SYNPO2L: variants seen among roughly 807,000 people sequenced by gnomAD.
The protein encoded by SYNPO2L is synaptopodin 2-like protein.
A neutral mutation model predicts 47.5 loss-of-function variants in SYNPO2L; 34 were observed. That is an observed-to-expected ratio of 0.72 (90% CI 0.54 to 0.95). SYNPO2L has a LOEUF of 0.95. Ranked by LOEUF, SYNPO2L falls within the 40% of genes least tolerant of loss-of-function variation. The probability of loss-of-function intolerance (pLI) is 0.00; values close to 1 mark genes in which losing one functional copy is unlikely to be tolerated. For synonymous variants in SYNPO2L, 536 were observed against 524.9 expected (o/e 1.02, Z -0.29); for missense variants, 1,246 against 1,282.0 (o/e 0.97, Z 0.43).
chr10:73,651,627 G>C (rs956935170), intron 3 of SYNPO2L, among the ~76,000 whole-genome samples: 5 of 152,186 alleles, frequency 3.3e-5, no homozygotes, highest in African/African-American at 1.2e-4. Context: ...TAAGTGGAAT[G>C]GGCTTTTTCT....
chr10:73,648,358 C>A lies in SYNPO2L; in HGVS notation c.1294G>T (p.Ala432Ser), dbSNP rs2081800315. Residue 432 changes from alanine (A) to serine (S), a missense_variant, in exon 4 of 4, where the codon GCA becomes TCA. Ala to Ser is a moderately conservative substitution (Grantham distance 99). Coordinates refer to ENST00000394810, the MANE Select transcript of SYNPO2L (RefSeq NM_001114133.3). ...PPRAQSAPPEAAVLPPSPLPA... is the reference protein window; with the variant it reads ...PPRAQSAPPESAVLPPSPLPA... ...AAGGGGCTGGGTGGGAGCACAGCTGCCTCTGGGGGAGCACTCTGGGCCCGA... is the reference window on the plus strand; with the variant it reads ...AAGGGGCTGGGTGGGAGCACAGCTGACTCTGGGGGAGCACTCTGGGCCCGA... 1 of 1,605,652 alleles carries A rather than the reference C, an allele frequency of 6.2e-7. No homozygotes were observed. The highest frequency in any genetic ancestry group is 1.3e-5 in the African/African-American group (1 of 74,852).
rs751580062 is a variant in SYNPO2L, at chr10:73,648,662, C to A, written c.990G>T (p.Thr330=). ...CTTCTTCGTCCAGCTCGGACTCACTCGTGGGGGGAACGCCGTCCTCCTCCT... is the reference window on the plus strand; with the variant it reads ...CTTCTTCGTCCAGCTCGGACTCACTAGTGGGGGGAACGCCGTCCTCCTCCT... ...GAEEEDGVPP[T]SESELDEEAF... is the part of the protein sequence containing the mutation. The change falls in exon 4 of 4, where the codon ACG becomes ACT. Residue 330 remains threonine, a synonymous_variant. Coordinates refer to ENST00000394810, the MANE Select transcript of SYNPO2L (RefSeq NM_001114133.3). 4.1e-5 allele frequency: 66 copies of A among 1,611,088 alleles called. No individual in the cohort carries two copies. The Admixed American group carries it at 1.1e-3, about 26-fold the overall frequency.
chr10:73,652,531 G>A (rs761300505), intron 3 of SYNPO2L, among the ~76,000 whole-genome samples: 2 of 152,134 alleles, frequency 1.3e-5, no homozygotes, highest in Non-Finnish European at 2.9e-5. Context: ...TTAGCCAGGT[G>A]TGGTGGCGGG....
In SYNPO2L at chr10:73,648,310, TG is replaced by T. The variant is rs1198988286; in HGVS notation, c.1341del (p.Arg448AspfsTer43). The T allele has an allele frequency of 9.3e-6, 15 of 1,604,614 alleles. No individual in the cohort carries two copies. The highest frequency in any genetic ancestry group is 1.3e-5 in the Non-Finnish European group (15 of 1,179,474). ...GCTCCACCACCTGGTTGGAAGGGTC[TG>T]GGGCTGGCTACAGGCGCCGGCAAGG... is the stretch of plus-strand genomic sequence containing the variant. The part of the protein sequence containing the change: ...PSPLPAPVAS[P>X]RPFQPGGGAP... On this transcript the variant is annotated frameshift_variant, in exon 4 of 4. Coordinates refer to ENST00000394810, the MANE Select transcript of SYNPO2L (RefSeq NM_001114133.3). LOFTEE classifies it low-confidence loss of function (END_TRUNC).
Position 73,655,906 on chromosome 10 carries a change from T to C in SYNPO2L, c.17A>G (p.Glu6Gly). MGAEE[E>G]VLVTLSGGAP... ...TCCCCCTGATAGTGTGACCAGCACCTCCTCCTCAGCACCCATCGCTCAGCT... is the reference window on the plus strand; with the variant it reads ...TCCCCCTGATAGTGTGACCAGCACCCCCTCCTCAGCACCCATCGCTCAGCT... The change falls in exon 1 of 4, where the codon GAG becomes GGG. Residue 6 changes from glutamate (E) to glycine (G), a missense_variant. This residue lies in a region of SYNPO2L where 61 missense variants were observed against 55.6 expected (regional missense o/e 1.10). Coordinates refer to ENST00000394810, the MANE Select transcript of SYNPO2L (RefSeq NM_001114133.3). 6.4e-7 allele frequency: 1 copy of C among 1,550,916 alleles called. No individual in the cohort carries two copies. Among genetic ancestry groups the C allele is most frequent in the South Asian group, 1.2e-5 (1 of 83,992 alleles).
Position 73,650,873 on chromosome 10 carries a change from G to T in SYNPO2L, c.773-1994C>A, listed in dbSNP as rs543971562. 3 of 1,561,458 alleles carry T rather than the reference G, an allele frequency of 1.9e-6. No individual in the cohort carries two copies. In the South Asian group the frequency reaches 3.6e-5, roughly 19 times the overall value. Reference sequence around the variant, plus strand: ...TATTGACATCTTCCCCTCCATTCTAGACCCCAGACTCTCATAGATATGGGA... The same window carrying T: ...TATTGACATCTTCCCCTCCATTCTATACCCCAGACTCTCATAGATATGGGA... On this transcript the variant is annotated intron_variant, in intron 3 of 3. Coordinates refer to ENST00000394810, the MANE Select transcript of SYNPO2L (RefSeq NM_001114133.3).
At chr10:73,654,715 C>T (rs113646916) in intron 1 of SYNPO2L, among the ~76,000 whole-genome samples, 142 of 152,036 alleles carry the variant, frequency 9.3e-4, no homozygotes, top group African/African-American at 3.2e-3. Flanking sequence ...TGGTGGTGTG[C>T]GCCTGTAATC....
At chr10:73,649,430 T>A (rs1191450267) in intron 3 of SYNPO2L, among the ~76,000 whole-genome samples, 1 of 152,170 alleles carries the variant, frequency 6.6e-6, no homozygotes, top group Non-Finnish European at 1.5e-5. Context: ...GGATCTTCAT[T>A]CACAATTCCA....
rs1256760168 is a variant in SYNPO2L, at chr10:73,648,302, G to C, written c.1350C>G (p.Phe450Leu). 2.5e-6 allele frequency: 4 copies of C among 1,604,196 alleles called. No individual in the cohort carries two copies. In the South Asian group the frequency reaches 4.4e-5, roughly 18 times the overall value. ...GGGTCGGGGCTCCACCACCTGGTTG[G>C]AAGGGTCTGGGGCTGGCTACAGGCG... ...LPAPVASPRPFQPGGGAPTPA... is the reference protein window; with the variant it reads ...LPAPVASPRPLQPGGGAPTPA... Residue 450 changes from phenylalanine (F) to leucine (L), a missense_variant, in exon 4 of 4, where the codon TTC becomes TTG. This residue lies in a region of SYNPO2L where 1,037 missense variants were observed against 1,021.5 expected (regional missense o/e 1.02). Transcript: ENST00000394810.
intron 3 of SYNPO2L, among the ~76,000 whole-genome samples, chr10:73,652,533 G>A (rs1490534834): frequency 6.6e-6 from 1 of 151,610 alleles, no homozygotes. Flanking sequence ...AGCCAGGTGT[G>A]GTGGCGGGTG....
chr10:73,651,070 G>T, intron 3 of SYNPO2L: 1 of 1,543,564 alleles, frequency 6.5e-7, no homozygotes, highest in Non-Finnish European at 8.7e-7. Context: ...GCCTTTTAAA[G>T]CCCCTTTGTC....
rs140568977 is a variant in SYNPO2L, at chr10:73,646,925, G to C, written c.2727C>G (p.Pro909=). 86 of 1,589,192 alleles carry C rather than the reference G, an allele frequency of 5.4e-5. No individual in the cohort carries two copies. In the African/African-American group the frequency reaches 9.9e-4, roughly 18 times the overall value. Residue 909 remains proline (P), a synonymous_variant, in exon 4 of 4, where the codon CCC becomes CCG. Coordinates refer to ENST00000394810, the MANE Select transcript of SYNPO2L (RefSeq NM_001114133.3). Reference sequence around the variant, plus strand: ...GCTCATCCAGTGTAGTGGCTGCTCGGGGGGCAAGCACAGTGGGAGCCAGGG... The same window carrying C: ...GCTCATCCAGTGTAGTGGCTGCTCGCGGGGCAAGCACAGTGGGAGCCAGGG... ...AEPLAPTVLA[P]RAATTLDEPI...
chr10:73,648,373 T>G lies in SYNPO2L; in HGVS notation c.1279A>C (p.Ser427Arg), dbSNP rs1173923965. 5 of 1,606,564 alleles carry G rather than the reference T, an allele frequency of 3.1e-6. No individual in the cohort carries two copies. The highest frequency in any genetic ancestry group is 4.2e-6 in the Non-Finnish European group (5 of 1,179,406). The change falls in exon 4 of 4, where the codon AGT (serine) becomes CGT (arginine). Residue 427 changes from serine (S) to arginine (R), a missense_variant. Physicochemically the swap from Ser to Arg is moderately radical, Grantham distance 110. Coordinates refer to ENST00000394810, the MANE Select transcript of SYNPO2L (RefSeq NM_001114133.3). ...AGCACAGCTGCCTCTGGGGGAGCAC[T>G]CTGGGCCCGAGGTGGTGACTGCAGG... is the stretch of plus-strand genomic sequence containing the variant. ...EGLQSPPRAQ[S>R]APPEAAVLPP...
Position 73,645,444 on chromosome 10 carries a change from C to G in SYNPO2L, c.*1274G>C. ...TTTGGCCTCACTTGCCACACTCTGG[C>G]TCTCTTCTCCTTTCTCTCAAGCTCA... On this transcript the variant is annotated 3_prime_UTR_variant, in exon 4 of 4. Transcript: ENST00000394810. 2 of 995,364 alleles carry G rather than the reference C, an allele frequency of 2.0e-6. No homozygotes were observed. Among genetic ancestry groups the G allele is most frequent in the Non-Finnish European group, 2.4e-6 (2 of 837,132 alleles). 61.7% of individuals were successfully genotyped at this position (995,364 alleles called of 1,614,324 possible). A position where few individuals can be genotyped will look rare whatever the true frequency, so the allele number is the denominator to read the frequency against.
chr10:73,652,419 A>AG (rs1386463503), intron 3 of SYNPO2L, among the ~76,000 whole-genome samples: 2 of 152,138 alleles, frequency 1.3e-5, no homozygotes, highest in African/African-American at 4.8e-5. Context: ...CTGTAATCCC[A>AG]GCACTTTGGG....
At position 73,646,785 on chromosome 10, in the gene SYNPO2L, G is replaced by A. The variant is rs770357363; in HGVS notation, c.2867C>T (p.Pro956Leu). 3 of 1,524,690 alleles carry A rather than the reference G, an allele frequency of 2.0e-6. No individual in the cohort carries two copies. The highest frequency in any genetic ancestry group is 1.8e-4 in the Middle Eastern group (1 of 5,654). 94.4% of individuals were successfully genotyped at this position (1,524,690 alleles called of 1,614,324 possible). The change falls in exon 4 of 4, where the codon CCC becomes CTC. Residue 956 changes from proline (P) to leucine (L), a missense_variant. Transcript: ENST00000394810. ...TCCTGTTCTGGTGGCTGAAAATCGG[G>A]GCCTGGCTACCTGGAAACCGCAGGA... is the stretch of plus-strand genomic sequence containing the variant. ...PSSCGFQVAR[P>L]RFSATRTGLQ...
chr10:73,651,431 A>G (rs555899149), intron 3 of SYNPO2L, among the ~76,000 whole-genome samples: 8 of 152,210 alleles, frequency 5.3e-5, no homozygotes, highest in South Asian at 2.1e-4. Flanking sequence ...GAGAGACACA[A>G]AGTTCTATAG....
rs373834932 is a variant in SYNPO2L, at chr10:73,647,046, G to A, written c.2606C>T (p.Pro869Leu). ...TAMFCFDEVP[P>L]TPGPIASGSP... ...CCCTGAGGCGATAGGGCCAGGAGTC[G>A]GGGGAACCTCATCAAAACAGAACAT... The change falls in exon 4 of 4, where the codon CCG becomes CTG. Residue 869 changes from proline (P) to leucine (L), a missense_variant. This residue lies in a region of SYNPO2L where 1,037 missense variants were observed against 1,021.5 expected (regional missense o/e 1.02). Transcript: ENST00000394810. 1.4e-4 allele frequency: 230 copies of A among 1,613,700 alleles called. No individual in the cohort carries two copies. The highest frequency in any genetic ancestry group is 1.9e-4 in the Non-Finnish European group (224 of 1,179,902).
At chr10:73,650,291 G>A (rs1158403104) in intron 3 of SYNPO2L, 3 of 972,198 alleles carry the variant, frequency 3.1e-6, no homozygotes, top group Non-Finnish European at 3.7e-6. Context: ...GTGGAAAGTA[G>A]ATGGAACTTT....
Sources: gnomAD v4.1 joint callset for allele counts (sites outside exome capture counted in the v4.1 genomes callset) on GRCh38, gnomAD v4.1.1 for gene constraint, gnomAD v4.1.1 regional missense constraint, MANE v1.5 for transcripts, NCBI Gene and HGNC (gene_info 2026-07-23, HGNC 2026-07-21) for gene names.